The following KIF13A variants were observed in gnomAD, a reference collection of about 807,000 sequenced individuals.
The protein encoded by KIF13A is kinesin family member 13A.
A neutral mutation model predicts 212.2 loss-of-function variants in KIF13A; 79 were observed. The ratio of observed to expected loss-of-function variants is 0.37; its 90% CI spans 0.31 to 0.45. KIF13A has a LOEUF of 0.45. Ranked by LOEUF, KIF13A falls within the 20% of genes least tolerant of loss-of-function variation. KIF13A has a pLI of 1.00. For synonymous variants in KIF13A, 789 were observed against 808.6 expected, an observed-to-expected ratio of 0.98 and a Z score of 0.41; for missense variants, 1,901 against 2,209.0, an observed-to-expected ratio of 0.86 and a Z score of 2.79.
chr6:17,890,282 G>GA (rs942973039), intron 3 of KIF13A, among the ~76,000 whole-genome samples: 38 of 151,524 alleles, frequency 2.5e-4, no homozygotes, highest in Non-Finnish European at 4.6e-4. Flanking sequence ...AGAAGAAAAT[G>GA]AAAAAAAGGA....
At position 17,777,351 on chromosome 6, in the gene KIF13A, C is replaced by T. The variant is rs1275172590; in HGVS notation, c.4096G>A (p.Val1366Ile). The T allele has an allele frequency of 1.9e-5, 31 of 1,609,736 alleles. No individual in the cohort carries two copies. The highest frequency in any genetic ancestry group is 2.7e-5 in the African/African-American group (2 of 74,548). ...ILSLERLRQA[V>I]TVKEALSTKA... ...GTGGAAAGTGCTTCTTTGACTGTGA[C>T]GGCCTGTAAACATAATAATTTGAAA... The change falls in exon 34 of 39, where the codon GTC (valine) becomes ATC (isoleucine). Residue 1366 changes from valine (V) to isoleucine (I), a missense_variant. Around this residue, in one of 5 missense-constraint regions of KIF13A, gnomAD observed 687 missense variants for 759.1 expected, o/e 0.90. Transcript: ENST00000259711. The surrounding 1 kb of genome is among the most constrained non-coding windows in gnomAD (Gnocchi z 4.4).
intron 2 of KIF13A, among the ~76,000 whole-genome samples, chr6:17,929,311 C>T: frequency 6.6e-6 from 1 of 152,066 alleles, no homozygotes; most frequent in African/African-American, 2.4e-5. Context: ...GCCATCATAG[C>T]TCATTGCAGC....
At chr6:17,835,222 A>AAAAAAAAAAAAAAAAAAAAAAAAAAAC (rs1765833145) in intron 11 of KIF13A, among the ~76,000 whole-genome samples, 1 of 96,884 alleles carries the variant, frequency 1.0e-5, no homozygotes. Context: ...AAAAAAAAAA[A>AAAAAAAAAAAAAAAAAAAAAAAAAAAC]AAAAAAAAAA....
chr6:17,873,590 A>G, intron 3 of KIF13A, 153 bp from the exon 4 acceptor site: 1 of 613,528 alleles, frequency 1.6e-6, no homozygotes, highest in Non-Finnish European at 2.8e-6. Context: ...GTTAACCATA[A>G]AATTTCTTAT....
chr6:17,947,562 C>T lies in KIF13A; in HGVS notation c.146+39492G>A, dbSNP rs990505500. Among the ~76,000 whole-genome samples, 6 of 152,146 alleles carry T rather than the reference C, an allele frequency of 3.9e-5. No individual in the cohort carries two copies. The highest frequency in any genetic ancestry group is 1.4e-4 in the African/African-American group (6 of 41,426). ...ATACACCAAGAGCTGGGCGTGGTAG[C>T]TCACGCCTGTAATCCCAGCACTTTG... On this transcript the variant is annotated intron_variant, in intron 2 of 38. Coordinates refer to ENST00000259711, the MANE Select transcript of KIF13A (RefSeq NM_022113.6). This position sits in a 1 kb window ranked among gnomAD's most constrained non-coding sequence, Gnocchi z 4.6.
Position 17,871,264 on chromosome 6 carries a change from T to C in KIF13A, c.220+2113A>G, listed in dbSNP as rs185207408. 5.5e-4 allele frequency among the ~76,000 whole-genome samples: 84 copies of C among 152,328 alleles called. No individual in the cohort carries two copies. The highest frequency in any genetic ancestry group is 3.7e-3 in the Admixed American group (57 of 15,304). On this transcript the variant is annotated intron_variant, in intron 4 of 38. Transcript: ENST00000259711. The surrounding 1 kb of genome is among the most constrained non-coding windows in gnomAD (Gnocchi z 4.4). ...TGTTGTCTCAAATACTTATCTCCTCTATGTTCCATCTGCTCTCTGGTGCCT... is the reference window on the plus strand; with the variant it reads ...TGTTGTCTCAAATACTTATCTCCTCCATGTTCCATCTGCTCTCTGGTGCCT...
In KIF13A at chr6:17,825,920, T is replaced by C. The variant is rs111458322; in HGVS notation, c.1634A>G (p.Lys545Arg). The change falls in exon 16 of 39, where the codon AAG (lysine) becomes AGG (arginine). Residue 545 changes from lysine to arginine, a missense_variant. Lys to Arg is a conservative substitution (Grantham distance 26). Transcript: ENST00000259711. This position sits in a 1 kb window ranked among gnomAD's most constrained non-coding sequence, Gnocchi z 4.5. ...NNHFFRINLP[K>R]RKRRDWLKDF... The stretch of plus-strand genomic sequence containing the variant: ...TTTCAACCAATCTCGACGTTTCCTC[T>C]TAGGTAAGTTTATTCTGTGGGGTTT... 2.7e-3 allele frequency: 4,280 copies of C among 1,613,938 alleles called. 4 individuals carry two copies. Among genetic ancestry groups the C allele is most frequent in the Non-Finnish European group, 3.4e-3 (4,008 of 1,179,852 alleles).
chr6:17,890,166 C>T (rs1338925640), intron 3 of KIF13A, among the ~76,000 whole-genome samples: 1 of 107,058 alleles, frequency 9.3e-6, no homozygotes, highest in East Asian at 2.7e-4. Flanking sequence ...CCAGCCTGGG[C>T]AACAAGAGTG....
At chr6:17,796,600 G>T in intron 23 of KIF13A, 69 bp downstream of exon 23, 2 of 955,264 alleles carry the variant, frequency 2.1e-6, no homozygotes, top group Non-Finnish European at 2.9e-6. Flanking sequence ...CTAGGCCAGA[G>T]TAGGTTCAGA....
intron 38 of KIF13A, among the ~76,000 whole-genome samples, chr6:17,766,527 C>T (rs187887549): frequency 2.0e-4 from 31 of 152,074 alleles, no homozygotes; most frequent in Admixed American, 1.4e-3. Flanking sequence ...CATGAGACAC[C>T]GTGCCCGGCT....
rs1461203004 is a variant in KIF13A, at chr6:17,829,390, T to G, written c.1402-1020A>C. Among the ~76,000 whole-genome samples the G allele has an allele frequency of 6.6e-6, 1 of 152,174 alleles. No homozygotes were observed. Among genetic ancestry groups the G allele is most frequent in the Non-Finnish European group, 1.5e-5 (1 of 68,024 alleles). On this transcript the variant is annotated intron_variant, in intron 13 of 38. Transcript: ENST00000259711. The surrounding 1 kb of genome is among the most constrained non-coding windows in gnomAD (Gnocchi z 5.4). ...CAACATGTTCGTGTTTATATTAAAGTAGTTTTGACCTCACAGGCCTCATGA... is the reference window on the plus strand; with the variant it reads ...CAACATGTTCGTGTTTATATTAAAGGAGTTTTGACCTCACAGGCCTCATGA...
intron 2 of KIF13A, among the ~76,000 whole-genome samples, chr6:17,935,589 A>C (rs1272546215): frequency 1.3e-5 from 2 of 152,158 alleles, no homozygotes; most frequent in African/African-American, 2.4e-5. Flanking sequence ...ACGAACCTCT[A>C]AGCACCAATT....
In KIF13A at chr6:17,855,906, T is replaced by C. The variant is rs1768095644; in HGVS notation, c.313+124A>G. ...TTTTTAGTTTTTATAAAGACGGGTC[T>C]TACTATGTTGCCCAGGCTGGTCTCA... On this transcript the variant is annotated intron_variant, in intron 5 of 38. Transcript: ENST00000259711. This position sits in a 1 kb window ranked among gnomAD's most constrained non-coding sequence, Gnocchi z 4.1. The C allele has an allele frequency of 5.8e-6, 4 of 692,742 alleles. No homozygotes were observed. Among genetic ancestry groups the C allele is most frequent in the Non-Finnish European group, 1.0e-5 (4 of 400,176 alleles). The allele number at this position is 692,742 out of a possible 1,614,324, so 42.9% of individuals were successfully genotyped here.
In KIF13A at chr6:17,934,318, C is replaced by T. The variant is rs373038771; in HGVS notation, c.147-36138G>A. On this transcript the variant is annotated intron_variant, in intron 2 of 38. Coordinates refer to ENST00000259711, the MANE Select transcript of KIF13A (RefSeq NM_022113.6). This position sits in a 1 kb window ranked among gnomAD's most constrained non-coding sequence, Gnocchi z 5.4. ...ACTTGCAGGTAGGCAAGAAAAGAAA[C>T]CTACACCAGTTGCTTAAGTGCAGAC... Among the ~76,000 whole-genome samples, 9 of 152,138 alleles carry T rather than the reference C, an allele frequency of 5.9e-5. No homozygotes were observed. Among genetic ancestry groups the T allele is most frequent in the African/African-American group, 1.7e-4 (7 of 41,416 alleles).
Position 17,886,711 on chromosome 6 carries a change from C to T in KIF13A, c.159+11457G>A, listed in dbSNP as rs1771571930. On this transcript the variant is annotated intron_variant, in intron 3 of 38. Transcript: ENST00000259711. This position sits in a 1 kb window ranked among gnomAD's most constrained non-coding sequence, Gnocchi z 5.6. Reference sequence around the variant, plus strand: ...GGAATTTCAAGATAGAAACACACAGCACTTCACTTGAACCCGGGAGGTGGA... The same window carrying T: ...GGAATTTCAAGATAGAAACACACAGTACTTCACTTGAACCCGGGAGGTGGA... 6.6e-6 allele frequency among the ~76,000 whole-genome samples: 1 copy of T among 151,992 alleles called. No individual in the cohort carries two copies. The highest frequency in any genetic ancestry group is 2.1e-4 in the South Asian group (1 of 4,812).
At position 17,912,136 on chromosome 6, in the gene KIF13A, C is replaced by T. The variant is rs1447996838; in HGVS notation, c.147-13956G>A. On this transcript the variant is annotated intron_variant, in intron 2 of 38. Transcript: ENST00000259711. This position sits in a 1 kb window ranked among gnomAD's most constrained non-coding sequence, Gnocchi z 4.2. ...TTGTTTGTAATATAAAGGATAAATGCTTGAGGGGATGGATACCCCATTCTC... is the reference window on the plus strand; with the variant it reads ...TTGTTTGTAATATAAAGGATAAATGTTTGAGGGGATGGATACCCCATTCTC... Among the ~76,000 whole-genome samples, 1 of 152,086 alleles carries T rather than the reference C, an allele frequency of 6.6e-6. No individual in the cohort carries two copies. The highest frequency in any genetic ancestry group is 1.5e-5 in the Non-Finnish European group (1 of 68,016).
chr6:17,862,031 T>C (rs557703018), intron 4 of KIF13A, among the ~76,000 whole-genome samples: 1 of 152,354 alleles, frequency 6.6e-6, no homozygotes, highest in East Asian at 1.9e-4. Context: ...TTTTAGTTAT[T>C]TTGGAGACAG....
chr6:17,935,096 C>A (rs958405719), intron 2 of KIF13A, among the ~76,000 whole-genome samples: 3 of 152,140 alleles, frequency 2.0e-5, no homozygotes, highest in African/African-American at 7.2e-5. Flanking sequence ...GTTATTTTCA[C>A]CATTTACCTG....
rs918881934 is a variant in KIF13A, at chr6:17,777,936, G to C, written c.4093-582C>G. 1.3e-5 allele frequency among the ~76,000 whole-genome samples: 2 copies of C among 151,932 alleles called. No homozygotes were observed. The highest frequency in any genetic ancestry group is 6.6e-5 in the Admixed American group (1 of 15,224). On this transcript the variant is annotated intron_variant, in intron 33 of 38. Coordinates refer to ENST00000259711, the MANE Select transcript of KIF13A (RefSeq NM_022113.6). This position sits in a 1 kb window ranked among gnomAD's most constrained non-coding sequence, Gnocchi z 4.4. ...GCAGGTGGATCACAGACAGGAGTTC[G>C]AGACCAGCTGGCCAACATGGTAAAA...
Sources: allele counts gnomAD v4.1 joint callset (sites outside exome capture counted in the v4.1 genomes callset), GRCh38; gene constraint gnomAD v4.1.1; regional missense constraint gnomAD v4.1.1; non-coding constraint Gnocchi (gnomAD v3.1); transcripts MANE v1.5; gene names NCBI Gene and HGNC (gene_info 2026-07-23, HGNC 2026-07-21).